MUC17: variants seen among roughly 807,000 people sequenced by gnomAD.
MUC17 encodes mucin 17, cell surface associated, also known as mucin-17.
Under a neutral mutation model 170.3 loss-of-function variants are expected in MUC17, and 190 were observed. That is an observed-to-expected ratio of 1.12 (90% CI 0.99 to 1.26). MUC17 has a LOEUF of 1.26. Ranked by LOEUF, MUC17 falls within the 50% of genes most tolerant of loss-of-function variation. MUC17 has a pLI of 0.00. For synonymous variants in MUC17, 2,325 were observed against 2,002.5 expected (o/e 1.16, Z -4.30); for missense variants, 6,415 against 5,530.0 (o/e 1.16, Z -5.08).
At chr7:101,057,828 C>T (rs182503182) in intron 12 of MUC17, among the ~76,000 whole-genome samples, 175 bp from the exon 13 acceptor site, 3 of 152,104 alleles carry the variant, frequency 2.0e-5, no homozygotes, top group East Asian at 1.9e-4. Flanking sequence ...CATGGTGAGC[C>T]GTGATTGTGC....
chr7:101,056,984 A>G (rs932206867), intron 12 of MUC17, among the ~76,000 whole-genome samples: 3 of 152,078 alleles, frequency 2.0e-5, no homozygotes, highest in Non-Finnish European at 4.4e-5. Flanking sequence ...GTTGTCTTGA[A>G]AAATGTCTCA....
At position 101,040,672 on chromosome 7, in the gene MUC17, T is replaced by C. The variant is rs80279006; in HGVS notation, c.9256T>C (p.Ser3086Pro). 1 of 1,613,176 alleles carries C rather than the reference T, an allele frequency of 6.2e-7. No homozygotes were observed. Among genetic ancestry groups the C allele is most frequent in the Non-Finnish European group, 8.5e-7 (1 of 1,179,642 alleles). Reference sequence around the variant, plus strand: ...GGTCACTTCTACTGAAGTCAGTTCATCTCCTACACCTGCTGAAGGTACCAG... The same window carrying C: ...GGTCACTTCTACTGAAGTCAGTTCACCTCCTACACCTGCTGAAGGTACCAG... Reference protein sequence around the residue: ...PVVTSTEVSSSPTPAEGTSMP... With the variant: ...PVVTSTEVSSPPTPAEGTSMP... Residue 3086 changes from serine (S) to proline (P), a missense_variant, in exon 3 of 13, where the codon TCT becomes CCT. Transcript: ENST00000306151.
In MUC17 at chr7:101,036,213, CT is replaced by C; in HGVS notation, c.4798del (p.Ser1600ProfsTer5). On this transcript the variant is annotated frameshift_variant, in exon 3 of 13. Coordinates refer to ENST00000306151, the MANE Select transcript of MUC17 (RefSeq NM_001040105.2). LOFTEE classifies it high-confidence loss of function. ...ANTLSTTPID[S>X]KTQVTASTEA... ...ACACCCTTTCAACAACCCCTATTGA[CT>C]CCAAAACTCAGGTGACCGCTTCTAC... The C allele has an allele frequency of 6.2e-7, 1 of 1,614,100 alleles. No individual in the cohort carries two copies. Among genetic ancestry groups the C allele is most frequent in the Non-Finnish European group, 8.5e-7 (1 of 1,180,008 alleles).
chr7:101,042,950 C>T lies in MUC17; in HGVS notation c.11534C>T (p.Pro3845Leu). Residue 3845 changes from proline to leucine, a missense_variant, in exon 3 of 13, where the codon CCT becomes CTT. By Grantham distance (98) the Pro-to-Leu change is moderately conservative. Transcript: ENST00000306151. ...ACACCTCCTGGTGATACCAGCACACCTTTGCTCACCTCTACCAAAGCCGGT... is the reference window on the plus strand; with the variant it reads ...ACACCTCCTGGTGATACCAGCACACTTTTGCTCACCTCTACCAAAGCCGGT... Reference protein sequence around the residue: ...LSTPPGDTSTPLLTSTKAGSF... With the variant: ...LSTPPGDTSTLLLTSTKAGSF... 1 of 1,614,148 alleles carries T rather than the reference C, an allele frequency of 6.2e-7. No homozygotes were observed. The highest frequency in any genetic ancestry group is 1.1e-5 in the South Asian group (1 of 91,082).
intron 1 of MUC17, among the ~76,000 whole-genome samples, chr7:101,029,056 C>T (rs1309494077): frequency 2.6e-5 from 4 of 152,002 alleles, no homozygotes; most frequent in Non-Finnish European, 2.9e-5. Context: ...GGTGTGGTGG[C>T]GCATGCCTGT....
intron 1 of MUC17, among the ~76,000 whole-genome samples, chr7:101,028,299 C>A (rs1794217505): frequency 1.3e-5 from 2 of 151,716 alleles, no homozygotes; most frequent in Admixed American, 1.3e-4. Flanking sequence ...CTATATTTGC[C>A]AGGCTGGTCT....
chr7:101,045,429 T>A (rs1389356264), intron 3 of MUC17, among the ~76,000 whole-genome samples: 1 of 152,074 alleles, frequency 6.6e-6, no homozygotes, highest in Non-Finnish European at 1.5e-5. Context: ...GTTTCACTCT[T>A]GTTGCCCAAG....
Position 101,036,519 on chromosome 7 carries a change from G to A in MUC17, c.5103G>A (p.Pro1701=), listed in dbSNP as rs113242057. 1,369 of 1,610,210 alleles carry A rather than the reference G, an allele frequency of 8.5e-4. 18 individuals carry two copies. In the East Asian group the frequency reaches 0.019, roughly 22 times the overall value. The part of the protein sequence containing the change: ...PLTSITVRTT[P]VASSAISTLS... ...CAAGTATAACTGTCAGAACAACACCGGTGGCCAGCTCTGCAATCAGCACCC... is the reference window on the plus strand; with the variant it reads ...CAAGTATAACTGTCAGAACAACACCAGTGGCCAGCTCTGCAATCAGCACCC... The change falls in exon 3 of 13, where the codon CCG becomes CCA. Residue 1701 remains proline (P), a synonymous_variant. Coordinates refer to ENST00000306151, the MANE Select transcript of MUC17 (RefSeq NM_001040105.2).
intron 12 of MUC17, 68 bp from the exon 13 acceptor site, chr7:101,057,935 C>T (rs1028490921): frequency 8.0e-6 from 11 of 1,375,684 alleles, no homozygotes; most frequent in Non-Finnish European, 1.1e-5. Context: ...TCCCAATCCT[C>T]CTTATGCTTC....
rs1794603294 is a variant in MUC17 at position 101,039,280 on chromosome 7, A to G, written c.7864A>G (p.Ser2622Gly). 1 of 1,612,724 alleles carries G rather than the reference A, an allele frequency of 6.2e-7. No individual in the cohort carries two copies. The highest frequency in any genetic ancestry group is 8.5e-7 in the Non-Finnish European group (1 of 1,179,620). ...ATCTCCTACAACTGCAAAAGATACCAGCATGCCAATCTCAACTCCTAGTGA... is the reference window on the plus strand; with the variant it reads ...ATCTCCTACAACTGCAAAAGATACCGGCATGCCAATCTCAACTCCTAGTGA... ...SSSPTTAKDT[S>G]MPISTPSEVS... is the part of the protein sequence containing the mutation. Residue 2622 changes from serine (S) to glycine (G), a missense_variant, in exon 3 of 13, where the codon AGC (serine) becomes GGC (glycine). By Grantham distance (56) the Ser-to-Gly change is moderately conservative. Coordinates refer to ENST00000306151, the MANE Select transcript of MUC17 (RefSeq NM_001040105.2).
At chr7:101,048,259 T>C in intron 4 of MUC17, 144 bp downstream of exon 4, 1 of 829,600 alleles carries the variant, frequency 1.2e-6, no homozygotes, top group Non-Finnish European at 1.7e-6. Flanking sequence ...TTTGTTTTGT[T>C]TTGTTTCCAC....
chr7:101,032,809 G>T lies in MUC17; in HGVS notation c.1393G>T (p.Ala465Ser). 6.2e-7 allele frequency: 1 copy of T among 1,613,886 alleles called. No individual in the cohort carries two copies. The change falls in exon 3 of 13, where the codon GCC becomes TCC. Residue 465 changes from alanine to serine, a missense_variant. Coordinates refer to ENST00000306151, the MANE Select transcript of MUC17 (RefSeq NM_001040105.2). The stretch of plus-strand genomic sequence containing the variant: ...TATGCCTGTCAGCACCACTCCAGTG[G>T]CCAGTTCTGAGGCTAGCAACCTTTC... ...TSMPVSTTPVASSEASNLSTT... is the reference protein window; with the variant it reads ...TSMPVSTTPVSSSEASNLSTT...
Position 101,042,506 on chromosome 7 carries a change from C to A in MUC17, c.11090C>A (p.Thr3697Lys). 6.2e-7 allele frequency: 1 copy of A among 1,614,124 alleles called. No homozygotes were observed. The highest frequency in any genetic ancestry group is 8.5e-7 in the Non-Finnish European group (1 of 1,180,028). ...WTPSEGSTPLTTMPVSTTRVT... is the reference protein window; with the variant it reads ...WTPSEGSTPLKTMPVSTTRVT... ...CCTAGTGAAGGAAGCACTCCATTAA[C>A]AACTATGCCTGTCAGCACCACACGT... Residue 3697 changes from threonine to lysine, a missense_variant, in exon 3 of 13, where the codon ACA becomes AAA. Coordinates refer to ENST00000306151, the MANE Select transcript of MUC17 (RefSeq NM_001040105.2).
At chr7:101,030,432 C>T (rs1369860061) in intron 1 of MUC17, among the ~76,000 whole-genome samples, 3 of 152,094 alleles carry the variant, frequency 2.0e-5, no homozygotes, top group Non-Finnish European at 2.9e-5. Flanking sequence ...GCCATGTTGG[C>T]CAGGCTGGTC....
In MUC17 at chr7:101,034,746, C is replaced by T. The variant is rs1470609274; in HGVS notation, c.3330C>T (p.Thr1110=). ...STPLTSVPVS[T]RLVVSSEAST... is the part of the protein sequence containing the mutation. ...CACTAACAAGTGTGCCTGTCAGCAC[C>T]AGGCTGGTGGTCAGTTCTGAGGCTA... The change falls in exon 3 of 13, where the codon ACC becomes ACT. Residue 1110 remains threonine (T), a synonymous_variant. Coordinates refer to ENST00000306151, the MANE Select transcript of MUC17 (RefSeq NM_001040105.2). 3 of 1,607,176 alleles carry T rather than the reference C, an allele frequency of 1.9e-6. No individual in the cohort carries two copies. The highest frequency in any genetic ancestry group is 2.6e-6 in the Non-Finnish European group (3 of 1,176,088).
chr7:101,047,483 G>A (rs1285726960), intron 3 of MUC17, among the ~76,000 whole-genome samples: 1 of 152,176 alleles, frequency 6.6e-6, no homozygotes, highest in Non-Finnish European at 1.5e-5. Flanking sequence ...TGTGAAGTGA[G>A]GATAATAGTA....
Position 101,036,851 on chromosome 7 carries a change from G to A in MUC17, c.5435G>A (p.Ser1812Asn), listed in dbSNP as rs75782138. Reference protein sequence around the residue: ...TLSEGMTPLTSTPVSHTLVAN... With the variant: ...TLSEGMTPLTNTPVSHTLVAN... ...AGTGAAGGAATGACTCCATTAACAAGCACACCTGTCAGCCACACGCTGGTG... is the reference window on the plus strand; with the variant it reads ...AGTGAAGGAATGACTCCATTAACAAACACACCTGTCAGCCACACGCTGGTG... Residue 1812 changes from serine (S) to asparagine (N), a missense_variant, in exon 3 of 13, where the codon AGC (serine) becomes AAC (asparagine). Transcript: ENST00000306151. 27,832 of 1,607,444 alleles carry A rather than the reference G, an allele frequency of 0.017. 1,082 individuals carry two copies. Among genetic ancestry groups the A allele is most frequent in the East Asian group, 0.16 (6,991 of 44,630 alleles).
chr7:101,022,074 A>G lies in MUC17; in HGVS notation c.82+1857A>G, dbSNP rs148591979. Among the ~76,000 whole-genome samples, 1,048 of 151,932 alleles carry G rather than the reference A, an allele frequency of 6.9e-3. 12 individuals carry two copies. The highest frequency in any genetic ancestry group is 0.023 in the African/African-American group (970 of 41,462). ...GCTCAGTCACCTGTCCATGGCAGGT[A>G]TCCCTTTGCCCTCCCCCCATCCCTG... is the stretch of plus-strand genomic sequence containing the variant. On this transcript the variant is annotated intron_variant, in intron 1 of 12. Coordinates refer to ENST00000306151, the MANE Select transcript of MUC17 (RefSeq NM_001040105.2).
chr7:101,036,672 A>C lies in MUC17; in HGVS notation c.5256A>C (p.Thr1752=), dbSNP rs1794490851. The part of the protein sequence containing the change: ...STPSEGTTPL[T]SIPVSTTPVL... ...CTAGTGAAGGAACCACTCCATTAAC[A>C]AGTATACCTGTCAGCACCACGCCGG... The change falls in exon 3 of 13, where the codon ACA becomes ACC. Residue 1752 remains threonine, a synonymous_variant. Transcript: ENST00000306151. 3.1e-6 allele frequency: 5 copies of C among 1,612,946 alleles called. No individual in the cohort carries two copies. The African/African-American group carries it at 5.4e-5, about 17-fold the overall frequency.
Sources: allele counts gnomAD v4.1 joint callset (sites outside exome capture counted in the v4.1 genomes callset), GRCh38; gene constraint gnomAD v4.1.1; transcripts MANE v1.5; gene names NCBI Gene and HGNC (gene_info 2026-07-23, HGNC 2026-07-21).